EXT1: variants seen among roughly 807,000 people sequenced by gnomAD.
The protein encoded by EXT1 is exostosin glycosyltransferase 1.
In EXT1, 20 loss-of-function variants were observed where a neutral mutation model predicts 82.5. The ratio of observed to expected loss-of-function variants is 0.24; its 90% CI spans 0.17 to 0.35. The LOEUF is 0.35. Among genes scored for constraint, EXT1 ranks in the 10% least tolerant of loss-of-function variants. The pLI is 1.00. For synonymous variants in EXT1, 348 were observed against 350.8 expected (o/e 0.99, Z 0.09); for missense variants, 757 against 936.5 (o/e 0.81, Z 2.50).
At chr8:118,085,530 C>T (rs1586264681) in intron 1 of EXT1, among the ~76,000 whole-genome samples, 1 of 141,464 alleles carries the variant, frequency 7.1e-6, no homozygotes, top group Non-Finnish European at 1.5e-5. Flanking sequence ...AATATGGGAA[C>T]ATACTATATT....
At chr8:117,837,299 G>T in intron 1 of EXT1, 98 bp from the exon 2 acceptor site, 2 of 994,204 alleles carry the variant, frequency 2.0e-6, no homozygotes, top group Admixed American at 1.7e-5. Flanking sequence ...TTTACGCAAA[G>T]CAACTCGGGA....
intron 1 of EXT1, among the ~76,000 whole-genome samples, chr8:118,008,903 G>A (rs1331442475): frequency 6.6e-6 from 1 of 152,154 alleles, no homozygotes; most frequent in East Asian, 1.9e-4. Flanking sequence ...CCAGAAACCA[G>A]GTAAATCCTC....
intron 4 of EXT1, among the ~76,000 whole-genome samples, chr8:117,826,279 C>CTACA (rs1812007300): frequency 2.6e-5 from 4 of 152,150 alleles, no homozygotes; most frequent in Non-Finnish European, 5.9e-5. Flanking sequence ...TGAGTCTAAG[C>CTACA]ACTCTACCTA....
At chr8:117,892,417 T>TTGCTGC (rs925705401) in intron 1 of EXT1, among the ~76,000 whole-genome samples, 8 of 152,086 alleles carry the variant, frequency 5.3e-5, no homozygotes, top group African/African-American at 1.9e-4. Context: ...ACTTCTACTA[T>TTGCTGC]TGCTGCTGCT....
At chr8:117,806,325 G>T (rs984009803) in intron 9 of EXT1, among the ~76,000 whole-genome samples, 2 of 152,182 alleles carry the variant, frequency 1.3e-5, no homozygotes, top group African/African-American at 4.8e-5. Context: ...TAGAGAAAAA[G>T]TCAAGTCTTC....
intron 1 of EXT1, among the ~76,000 whole-genome samples, chr8:117,846,335 T>C (rs1028504303): frequency 1.3e-5 from 2 of 152,124 alleles, no homozygotes; most frequent in African/African-American, 4.8e-5. Context: ...CTTGAACTCC[T>C]GGCCTCAAGT....
intron 1 of EXT1, among the ~76,000 whole-genome samples, chr8:118,025,512 C>A (rs1432161554): frequency 6.6e-6 from 1 of 152,172 alleles, no homozygotes; most frequent in Non-Finnish European, 1.5e-5. Flanking sequence ...AGCTTAGAAA[C>A]TTTCTCCAAA....
chr8:117,808,616 T>G (rs553250786), intron 8 of EXT1, among the ~76,000 whole-genome samples: 1 of 152,210 alleles, frequency 6.6e-6, no homozygotes, highest in African/African-American at 2.4e-5. Context: ...TTTCATCTGT[T>G]TCGCAAATAT....
chr8:117,853,731 C>T (rs1007875662), intron 1 of EXT1, among the ~76,000 whole-genome samples: 4 of 152,128 alleles, frequency 2.6e-5, no homozygotes, highest in Middle Eastern at 3.2e-3. Flanking sequence ...TTCCTATTGC[C>T]GCAAAATTCT....
At chr8:117,915,556 A>G (rs1393289902) in intron 1 of EXT1, among the ~76,000 whole-genome samples, 2 of 152,230 alleles carry the variant, frequency 1.3e-5, no homozygotes, top group African/African-American at 2.4e-5. Context: ...CAAACAATAT[A>G]TCAAATCACT....
chr8:117,962,607 G>A (rs1054700378), intron 1 of EXT1, among the ~76,000 whole-genome samples: 1 of 152,148 alleles, frequency 6.6e-6, no homozygotes, highest in Non-Finnish European at 1.5e-5. Flanking sequence ...GCAAAAATTA[G>A]CTGGGCTTTG....
At chr8:118,024,150 C>T (rs907073615) in intron 1 of EXT1, among the ~76,000 whole-genome samples, 1 of 152,130 alleles carries the variant, frequency 6.6e-6, no homozygotes, top group African/African-American at 2.4e-5. Context: ...AAAAAATAAA[C>T]CACGGTAGAA....
chr8:117,805,271 T>C (rs565800877), intron 9 of EXT1, among the ~76,000 whole-genome samples: 2 of 152,184 alleles, frequency 1.3e-5, no homozygotes, highest in Non-Finnish European at 2.9e-5. Flanking sequence ...GATGGCAAGA[T>C]AAGTTATTTA....
At chr8:117,933,658 T>C (rs1014181092) in intron 1 of EXT1, among the ~76,000 whole-genome samples, 15 of 152,182 alleles carry the variant, frequency 9.9e-5, no homozygotes, top group African/African-American at 3.1e-4. Context: ...TCTCACTTAC[T>C]GCTGCGTCCC....
intron 1 of EXT1, among the ~76,000 whole-genome samples, chr8:118,040,474 T>A (rs1442815420): frequency 6.6e-6 from 1 of 152,228 alleles, no homozygotes; most frequent in Non-Finnish European, 1.5e-5. Context: ...GCAAACCTAC[T>A]GGGCCAGTGT....
intron 1 of EXT1, among the ~76,000 whole-genome samples, chr8:117,965,981 C>T (rs961242454): frequency 2.1e-5 from 3 of 146,210 alleles, no homozygotes; most frequent in African/African-American, 5.4e-5. Flanking sequence ...TAAATAAACA[C>T]ATACATGCAT....
At chr8:117,953,298 T>C (rs1814524856) in intron 1 of EXT1, among the ~76,000 whole-genome samples, 1 of 152,194 alleles carries the variant, frequency 6.6e-6, no homozygotes, top group African/African-American at 2.4e-5. Flanking sequence ...CATGCTAGAC[T>C]GCCATTCACT....
rs545128901 is a variant in EXT1, at chr8:117,943,943, C to T, written c.963-106742G>A. Among the ~76,000 whole-genome samples, 26 of 152,290 alleles carry T rather than the reference C, an allele frequency of 1.7e-4. 1 individual carries two copies. In the South Asian group the frequency reaches 5.4e-3, roughly 32 times the overall value. On this transcript the variant is annotated intron_variant, in intron 1 of 10. Transcript: ENST00000378204. ...CCTCACCAAGCTGTATGGTTTCACC[C>T]TCCCACCCCCTCTGTATGCGCCATA...
chr8:117,845,946 T>C (rs113340058), intron 1 of EXT1, among the ~76,000 whole-genome samples: 2,302 of 152,234 alleles, frequency 0.015, 73 homozygotes, highest in African/African-American at 0.053. Flanking sequence ...GCAAGGAGGA[T>C]GGGATCCACG....
Sources: allele counts gnomAD v4.1 joint callset (sites outside exome capture counted in the v4.1 genomes callset), GRCh38; gene constraint gnomAD v4.1.1; transcripts MANE v1.5; gene names NCBI Gene and HGNC (gene_info 2026-07-23, HGNC 2026-07-21).